Variants in DOCK10 observed in about 807,000 individuals in gnomAD.
The protein encoded by DOCK10 is dedicator of cytokinesis protein 10.
In DOCK10, 145 loss-of-function variants were observed where a neutral mutation model predicts 280.1. The observed-to-expected ratio is 0.52, with a 90% CI of 0.45 to 0.59. The LOEUF is 0.59. Among genes scored for constraint, DOCK10 ranks in the 20% least tolerant of loss-of-function variants. DOCK10 has a pLI of 0.00. For synonymous variants in DOCK10, 915 were observed against 942.2 expected, an observed-to-expected ratio of 0.97 and a Z score of 0.53; for missense variants, 2,368 against 2,651.7, an observed-to-expected ratio of 0.89 and a Z score of 2.35.
At chr2:224,920,389 T>C (rs961718661) in intron 2 of DOCK10, among the ~76,000 whole-genome samples, 3 of 152,084 alleles carry the variant, frequency 2.0e-5, no homozygotes, top group Admixed American at 1.3e-4. Context: ...TTTACATTTT[T>C]AATTCCTTTA....
chr2:224,770,333 A>G lies in DOCK10; in HGVS notation c.6322T>C (p.Cys2108Arg). 1 of 1,600,036 alleles carries G rather than the reference A, an allele frequency of 6.2e-7. No homozygotes were observed. Residue 2108 changes from cysteine to arginine, a missense_variant, in exon 55 of 56, where the codon TGT becomes CGT. Cys to Arg is a radical substitution (Grantham distance 180). Around this residue, in one of 2 missense-constraint regions of DOCK10, gnomAD observed 1,159 missense variants for 1,400.8 expected, o/e 0.83. Coordinates refer to ENST00000258390, the MANE Select transcript of DOCK10 (RefSeq NM_014689.3). This position sits in a 1 kb window ranked among gnomAD's most constrained non-coding sequence, Gnocchi z 4.5. Reference protein sequence around the residue: ...KEIFRQFADACGQALDVNERL... With the variant: ...KEIFRQFADARGQALDVNERL... The stretch of plus-strand genomic sequence containing the variant: ...TCATTCACGTCAAGGGCCTGCCCAC[A>G]TGCATCTGCAAATTGCCTTTAGCGA...
intron 1 of DOCK10, among the ~76,000 whole-genome samples, chr2:224,944,063 G>A (rs1028000902): frequency 2.0e-5 from 3 of 152,036 alleles, no homozygotes; most frequent in Admixed American, 6.6e-5. Context: ...ATGCCCGGCC[G>A]GTTTAGATTT....
intron 1 of DOCK10, among the ~76,000 whole-genome samples, chr2:224,943,359 G>T (rs1029208085): frequency 1.1e-4 from 17 of 151,962 alleles, no homozygotes; most frequent in African/African-American, 4.1e-4. Context: ...AAAAAACCCA[G>T]AATATACAGA....
chr2:224,999,585 C>G (rs1706371218), intron 1 of DOCK10, among the ~76,000 whole-genome samples: 1 of 151,708 alleles, frequency 6.6e-6, no homozygotes. Flanking sequence ...ATATCCCAGG[C>G]CCTTGGGATA....
chr2:224,765,538 A>G lies in DOCK10; in HGVS notation c.*183T>C. ...AACCTGGCTTGATCAACACTGCTCA[A>G]AGAAAAAAAAATTATACAAAATGTG... On this transcript the variant is annotated 3_prime_UTR_variant, in exon 56 of 56. Transcript: ENST00000258390. The G allele has an allele frequency of 5.6e-6, 3 of 540,214 alleles. No individual in the cohort carries two copies. The highest frequency in any genetic ancestry group is 3.4e-5 in the Admixed American group (1 of 29,136). 33.5% of individuals were successfully genotyped at this position (540,214 alleles called of 1,614,324 possible). A position where few individuals can be genotyped will look rare whatever the true frequency, so the allele number is the denominator to read the frequency against.
At chr2:225,030,912 G>A (rs1378425438) in intron 1 of DOCK10, among the ~76,000 whole-genome samples, 3 of 152,164 alleles carry the variant, frequency 2.0e-5, no homozygotes, top group Non-Finnish European at 2.9e-5. Context: ...TCTGGAACGT[G>A]CCTCAGAATT....
chr2:224,962,095 C>T (rs1704482731), intron 1 of DOCK10, among the ~76,000 whole-genome samples: 1 of 152,186 alleles, frequency 6.6e-6, no homozygotes, highest in African/African-American at 2.4e-5. Flanking sequence ...CTGCATCTGT[C>T]CCAATTTTGG....
At chr2:225,006,575 T>G (rs2126291905) in intron 1 of DOCK10, among the ~76,000 whole-genome samples, 1 of 152,360 alleles carries the variant, frequency 6.6e-6, no homozygotes, top group East Asian at 1.9e-4. Context: ...GGTCCTGTGA[T>G]GAAGGTAATG....
At chr2:224,776,806 G>A (rs1022411404) in intron 51 of DOCK10, among the ~76,000 whole-genome samples, 1 of 152,038 alleles carries the variant, frequency 6.6e-6, no homozygotes, top group Admixed American at 6.6e-5. Context: ...TGCATGTGCT[G>A]GGCTTCTCAG....
At chr2:224,834,744 C>T (rs1198929296) in intron 25 of DOCK10, among the ~76,000 whole-genome samples, 1 of 152,114 alleles carries the variant, frequency 6.6e-6, no homozygotes, top group African/African-American at 2.4e-5. Flanking sequence ...ACTATCAAGG[C>T]GTTCATGAAC....
In DOCK10 at chr2:225,028,236, C is replaced by A. The variant is rs142364900; in HGVS notation, c.123+14016G>T. Among the ~76,000 whole-genome samples the A allele has an allele frequency of 1.4e-4, 21 of 152,098 alleles. No individual in the cohort carries two copies. In the East Asian group the frequency reaches 4.1e-3, roughly 29 times the overall value. On this transcript the variant is annotated intron_variant, in intron 1 of 55. Coordinates refer to ENST00000258390, the MANE Select transcript of DOCK10 (RefSeq NM_014689.3). ...GGAGAGGAAAGCAGAAGCGTGGGTC[C>A]GAGGGGCGCAACATGTGAAGAACTT...
chr2:224,916,689 A>G lies in DOCK10; in HGVS notation c.333+6T>C. ...TAAAATAAAGCATTGGAAGCATCAC[A>G]TTTACCTCCTTAACCAGTAAATTTT... On this transcript the variant is annotated splice_donor_region_variant and intron_variant, in intron 3 of 55. Transcript: ENST00000258390. 1 of 1,602,096 alleles carries G rather than the reference A, an allele frequency of 6.2e-7. No individual in the cohort carries two copies. The highest frequency in any genetic ancestry group is 1.7e-5 in the Admixed American group (1 of 58,742).
intron 28 of DOCK10, among the ~76,000 whole-genome samples, chr2:224,820,899 G>T (rs1694463541): frequency 6.6e-6 from 1 of 152,196 alleles, no homozygotes; most frequent in African/African-American, 2.4e-5. Flanking sequence ...TGGGCTAAAA[G>T]ATACGGCTAT....
At chr2:224,947,104 G>A in intron 1 of DOCK10, 2 of 1,339,692 alleles carry the variant, frequency 1.5e-6, no homozygotes, top group South Asian at 3.7e-5. Context: ...GAAAGGAAAG[G>A]AAAGCTGTCA....
chr2:224,931,104 C>T (rs772849573), intron 2 of DOCK10, among the ~76,000 whole-genome samples: 2 of 152,178 alleles, frequency 1.3e-5, no homozygotes, highest in Non-Finnish European at 2.9e-5. Flanking sequence ...GTCAGTATCT[C>T]CTTATGAAAG....
At chr2:224,980,971 T>C (rs4673128) in intron 1 of DOCK10, among the ~76,000 whole-genome samples, 118,086 of 151,944 alleles carry the variant, frequency 0.78, 46,575 homozygotes, top group African/African-American at 0.92. Flanking sequence ...TTTCTAGCTG[T>C]GAAATTTTAT....
At chr2:224,851,828 G>C (rs1037366747) in intron 18 of DOCK10, among the ~76,000 whole-genome samples, 12 of 152,156 alleles carry the variant, frequency 7.9e-5, no homozygotes, top group African/African-American at 2.9e-4. Flanking sequence ...GCTTTGTAGA[G>C]TGAAACACCA....
chr2:224,767,468 G>A (rs1690135780), intron 55 of DOCK10, among the ~76,000 whole-genome samples: 1 of 152,128 alleles, frequency 6.6e-6, no homozygotes, highest in Non-Finnish European at 1.5e-5. Context: ...CCGGCCTCAT[G>A]TAGTTTTTAA....
Position 224,916,760 on chromosome 2 carries a change from G to T in DOCK10, c.268C>A (p.Arg90Ser), listed in dbSNP as rs201679247. The change falls in exon 3 of 56, where the codon CGC (arginine) becomes AGC (serine). Residue 90 changes from arginine (R) to serine (S), a missense_variant. Around this residue, in one of 2 missense-constraint regions of DOCK10, gnomAD observed 1,209 missense variants for 1,250.9 expected, o/e 0.97. Coordinates refer to ENST00000258390, the MANE Select transcript of DOCK10 (RefSeq NM_014689.3). ...FSAATVSWDI[R>S]TLYSTVPEDA... ...TCAGGTACTGTTGAGTACAACGTGCGGATATCCCAGGAAACTGTGGCTGCC... is the reference window on the plus strand; with the variant it reads ...TCAGGTACTGTTGAGTACAACGTGCTGATATCCCAGGAAACTGTGGCTGCC... 5 of 1,610,230 alleles carry T rather than the reference G, an allele frequency of 3.1e-6. No homozygotes were observed. The highest frequency in any genetic ancestry group is 3.4e-6 in the Non-Finnish European group (4 of 1,178,168).
Sources: gnomAD v4.1 joint callset for allele counts (sites outside exome capture counted in the v4.1 genomes callset) on GRCh38, gnomAD v4.1.1 for gene constraint, gnomAD v4.1.1 regional missense constraint, Gnocchi (gnomAD v3.1) non-coding constraint, MANE v1.5 for transcripts, NCBI Gene and HGNC (gene_info 2026-07-23, HGNC 2026-07-21) for gene names.